The following NFIB variants were observed in gnomAD, a reference collection of about 807,000 sequenced individuals.
NFIB encodes the protein nuclear factor 1 B-type.
Under a neutral mutation model 61.5 loss-of-function variants are expected in NFIB, and 11 were observed. That is an observed-to-expected ratio of 0.18 (90% CI 0.11 to 0.30). The LOEUF is 0.30. NFIB is among the 10% of genes least tolerant of loss of function. The pLI, the probability that NFIB is intolerant of heterozygous loss-of-function variation, is 1.00. For synonymous variants in NFIB, 260 were observed against 216.5 expected (o/e 1.20, Z -1.76); for missense variants, 471 against 608.9 (o/e 0.77, Z 2.38).
chr9:14,398,467 A>T (rs544177182), intron 1 of NFIB: 1 of 1,260,208 alleles, frequency 7.9e-7, no homozygotes, highest in South Asian at 1.3e-5. Flanking sequence ...ACATTGTCTA[A>T]GAAGTTGGGA....
chr9:14,315,500 C>T (rs1200417649), upstream of NFIB, among the ~76,000 whole-genome samples: 3 of 146,036 alleles, frequency 2.1e-5, no homozygotes, highest in African/African-American at 2.5e-5. Flanking sequence ...CCCTACCCGC[C>T]CGGGTGCAGG....
chr9:14,403,482 C>A (rs1395986862), upstream of NFIB, among the ~76,000 whole-genome samples: 1 of 152,092 alleles, frequency 6.6e-6, no homozygotes, highest in Non-Finnish European at 1.5e-5. Context: ...CTAAGTTATA[C>A]TGGAAAAGAA....
the NFIB span, among the ~76,000 whole-genome samples, chr9:14,412,170 G>C: frequency 2.0e-5 from 3 of 152,196 alleles, no homozygotes; most frequent in African/African-American, 7.2e-5. Context: ...TACCAAGTTT[G>C]GGGGTAATTT....
chr9:14,261,528 A>G (rs1376389537), intron 2 of NFIB, among the ~76,000 whole-genome samples: 1 of 152,210 alleles, frequency 6.6e-6, no homozygotes, highest in Non-Finnish European at 1.5e-5. Flanking sequence ...AACTCACAAA[A>G]GGCAGATTAA....
the NFIB span, among the ~76,000 whole-genome samples, chr9:14,493,476 T>C: frequency 7.2e-4 from 110 of 152,326 alleles, no homozygotes; most frequent in African/African-American, 2.5e-3. Context: ...CTGAATGTAT[T>C]CCACTGTTAA....
At chr9:14,357,146 T>C (rs1202270971) in intron 1 of NFIB, 2 of 152,242 alleles carry the variant, frequency 1.3e-5, no homozygotes, top group African/African-American at 4.8e-5. Context: ...TTCTTTTTCA[T>C]TGCAGGTCTG....
At chr9:14,185,742 T>C (rs1158053054) in intron 2 of NFIB, among the ~76,000 whole-genome samples, 1 of 152,152 alleles carries the variant, frequency 6.6e-6, no homozygotes, top group African/African-American at 2.4e-5. Context: ...GTCAAACAGA[T>C]AAATTTCTTG....
chr9:14,182,067 CCT>C (rs1246326420), intron 2 of NFIB, among the ~76,000 whole-genome samples: 1 of 152,188 alleles, frequency 6.6e-6, no homozygotes, highest in Non-Finnish European at 1.5e-5. Context: ...AATGGCATCC[CCT>C]GTTACCACAA....
upstream of NFIB, among the ~76,000 whole-genome samples, chr9:14,403,424 G>T (rs1020546690): frequency 1.2e-4 from 19 of 152,066 alleles, no homozygotes; most frequent in African/African-American, 4.3e-4. Context: ...CCTTTTTTGT[G>T]GTGCCCAACA....
intron 1 of NFIB, among the ~76,000 whole-genome samples, chr9:14,397,213 C>T (rs996598023): frequency 6.6e-6 from 1 of 152,156 alleles, no homozygotes; most frequent in African/African-American, 2.4e-5. Flanking sequence ...AACAAAATTG[C>T]TGTTGTCATG....
intron 2 of NFIB, among the ~76,000 whole-genome samples, chr9:14,207,135 T>C (rs936364931): frequency 6.6e-6 from 1 of 152,218 alleles, no homozygotes; most frequent in African/African-American, 2.4e-5. Context: ...AGGGATGCTA[T>C]TATTATTCCC....
chr9:14,380,499 A>G (rs1274950823), intron 1 of NFIB, among the ~76,000 whole-genome samples: 2 of 152,356 alleles, frequency 1.3e-5, no homozygotes, highest in African/African-American at 4.8e-5. Flanking sequence ...ATTTATCCAT[A>G]TAGAAAACAA....
chr9:14,247,652 G>A (rs918271398), intron 2 of NFIB, among the ~76,000 whole-genome samples: 2 of 152,300 alleles, frequency 1.3e-5, no homozygotes, highest in South Asian at 4.1e-4. Flanking sequence ...TAATTTCACT[G>A]GATATAAAAT....
intron 1 of NFIB, among the ~76,000 whole-genome samples, chr9:14,353,158 A>G (rs2061134200): frequency 1.3e-5 from 2 of 152,088 alleles, no homozygotes; most frequent in South Asian, 4.1e-4. Flanking sequence ...GGTAGCTACT[A>G]CCAAAGGCTG....
Position 14,088,183 on chromosome 9 carries a change from T to C in NFIB, c.*126A>G. On this transcript the variant is annotated 3_prime_UTR_variant, in exon 11 of 11. Transcript: ENST00000380953. Reference sequence around the variant, plus strand: ...AAAAAAATTTCTTAAACTATTGTTGTGTTTCTTTTTCCCTCAGTTGCTTGT... The same window carrying C: ...AAAAAAATTTCTTAAACTATTGTTGCGTTTCTTTTTCCCTCAGTTGCTTGT... 6.6e-7 allele frequency: 1 copy of C among 1,508,736 alleles called. No individual in the cohort carries two copies. Among genetic ancestry groups the C allele is most frequent in the Non-Finnish European group, 8.9e-7 (1 of 1,123,036 alleles). The allele number at this position is 1,508,736 out of a possible 1,614,324, so 93.5% of individuals were successfully genotyped here.
chr9:14,453,788 A>G, the NFIB span, among the ~76,000 whole-genome samples: 1 of 152,196 alleles, frequency 6.6e-6, no homozygotes, highest in Non-Finnish European at 1.5e-5. Flanking sequence ...TAACAAAAAG[A>G]AAATACAATA....
intron 4 of NFIB, among the ~76,000 whole-genome samples, chr9:14,150,983 C>A (rs1394386434): frequency 6.6e-6 from 1 of 151,958 alleles, no homozygotes; most frequent in Non-Finnish European, 1.5e-5. Context: ...TTTTAGATAT[C>A]ATGAACAAAG....
At chr9:14,101,545 A>G (rs2035786679) in intron 10 of NFIB, among the ~76,000 whole-genome samples, 1 of 152,198 alleles carries the variant, frequency 6.6e-6, no homozygotes, top group Non-Finnish European at 1.5e-5. Context: ...CAGGGTTGGA[A>G]AATTATGTCA....
intron 2 of NFIB, among the ~76,000 whole-genome samples, chr9:14,180,397 G>T (rs2046634208): frequency 6.6e-6 from 1 of 152,170 alleles, no homozygotes; most frequent in African/African-American, 2.4e-5. Flanking sequence ...GAGAGCAAAT[G>T]GTTGAATCAA....
Sources: allele counts gnomAD v4.1 joint callset (sites outside exome capture counted in the v4.1 genomes callset), GRCh38; gene constraint gnomAD v4.1.1; transcripts MANE v1.5; gene names NCBI Gene and HGNC (gene_info 2026-07-23, HGNC 2026-07-21).